Variants in HERPUD2 observed in about 807,000 individuals in gnomAD.
The protein encoded by HERPUD2 is HERPUD family member 2.
Under a neutral mutation model 49.9 loss-of-function variants are expected in HERPUD2, and 13 were observed. The ratio of observed to expected loss-of-function variants is 0.26; its 90% CI spans 0.17 to 0.41. The LOEUF (loss-of-function observed/expected upper bound fraction) is 0.41. HERPUD2 is among the 10% of genes least tolerant of loss of function. HERPUD2 has a pLI of 1.00. For synonymous variants in HERPUD2, 172 were observed against 171.4 expected, an observed-to-expected ratio of 1.00 and a Z score of -0.03; for missense variants, 449 against 492.2, an observed-to-expected ratio of 0.91 and a Z score of 0.83.
At chr7:35,682,110 T>A (rs1290674866) in intron 2 of HERPUD2, among the ~76,000 whole-genome samples, 1 of 151,956 alleles carries the variant, frequency 6.6e-6, no homozygotes, top group Non-Finnish European at 1.5e-5. Context: ...TGGTATCAGC[T>A]CACTGCAACC....
chr7:35,673,125 T>C, intron 3 of HERPUD2, 76 bp downstream of exon 3: 1 of 1,107,030 alleles, frequency 9.0e-7, no homozygotes, highest in South Asian at 1.4e-5. Flanking sequence ...ACTGAACTGG[T>C]TGAATAAAAT....
chr7:35,635,797 C>T (rs1784862267), intron 6 of HERPUD2, among the ~76,000 whole-genome samples: 1 of 152,150 alleles, frequency 6.6e-6, no homozygotes, highest in Non-Finnish European at 1.5e-5. Context: ...ATGAATGCCC[C>T]CTTTTGTTAT....
intron 5 of HERPUD2, among the ~76,000 whole-genome samples, chr7:35,643,038 A>G (rs1784991374): frequency 6.6e-6 from 1 of 152,200 alleles, no homozygotes; most frequent in South Asian, 2.1e-4. Context: ...AATATGAAAT[A>G]TGGAAAAAAA....
intron 2 of HERPUD2, among the ~76,000 whole-genome samples, chr7:35,683,079 T>C (rs1346850318): frequency 4.6e-5 from 7 of 152,018 alleles, no homozygotes; most frequent in Admixed American, 4.6e-4. Context: ...AATTCTAAAA[T>C]TCATATGGAA....
At chr7:35,650,024 T>C (rs1160133275) in intron 5 of HERPUD2, among the ~76,000 whole-genome samples, 2 of 152,174 alleles carry the variant, frequency 1.3e-5, no homozygotes, top group Non-Finnish European at 2.9e-5. Flanking sequence ...GTTTATATGG[T>C]TATTTCTGAG....
chr7:35,677,964 C>T (rs1785801710), intron 2 of HERPUD2, among the ~76,000 whole-genome samples: 1 of 152,184 alleles, frequency 6.6e-6, no homozygotes, highest in African/African-American at 2.4e-5. Flanking sequence ...TAGATTGTAT[C>T]TCACATGGCT....
chr7:35,669,938 G>A (rs2115964415), intron 4 of HERPUD2, among the ~76,000 whole-genome samples: 1 of 152,086 alleles, frequency 6.6e-6, no homozygotes, highest in East Asian at 1.9e-4. Context: ...CGTTTTCTGA[G>A]TATTCCAGTA....
At chr7:35,685,960 C>CAAAATAAA (rs70974762) in intron 2 of HERPUD2, among the ~76,000 whole-genome samples, 17,083 of 147,852 alleles carry the variant, frequency 0.12, 1,233 homozygotes, top group Middle Eastern at 0.19. Context: ...GACCCTGTCT[C>CAAAATAAA]TAAATAAATA....
intron 6 of HERPUD2, among the ~76,000 whole-genome samples, chr7:35,636,652 A>G (rs1199655768): frequency 6.6e-6 from 1 of 152,178 alleles, no homozygotes; most frequent in Admixed American, 6.5e-5. Context: ...TAAGGTATGA[A>G]CATCCTGTCT....
intron 6 of HERPUD2, among the ~76,000 whole-genome samples, chr7:35,636,771 G>A (rs924628119): frequency 6.6e-6 from 1 of 152,162 alleles, no homozygotes; most frequent in African/African-American, 2.4e-5. Context: ...TTCACAGTGG[G>A]CAAGAGAATC....
chr7:35,644,080 T>C (rs969094096), intron 5 of HERPUD2, among the ~76,000 whole-genome samples: 17 of 152,146 alleles, frequency 1.1e-4, no homozygotes, highest in African/African-American at 3.9e-4. Flanking sequence ...ATTATGCTAA[T>C]TCATTAGGGA....
chr7:35,651,205 T>C (rs926150792), intron 5 of HERPUD2, among the ~76,000 whole-genome samples: 2 of 152,152 alleles, frequency 1.3e-5, no homozygotes, highest in African/African-American at 2.4e-5. Flanking sequence ...AGGGGCCCGA[T>C]GACATGCCAA....
intron 3 of HERPUD2, among the ~76,000 whole-genome samples, chr7:35,670,650 A>G (rs1404543236): frequency 6.6e-6 from 1 of 152,134 alleles, no homozygotes; most frequent in African/African-American, 2.4e-5. Flanking sequence ...GCATGAAAAC[A>G]TCTAGCACCT....
intron 2 of HERPUD2, among the ~76,000 whole-genome samples, chr7:35,673,551 T>C (rs1447051865): frequency 6.6e-6 from 1 of 152,158 alleles, no homozygotes; most frequent in African/African-American, 2.4e-5. Context: ...GGTAGATAAA[T>C]TGGAAGTCTG....
At position 35,642,878 on chromosome 7, in the gene HERPUD2, C is replaced by T. The variant is rs1195105350; in HGVS notation, c.495-4406G>A. On this transcript the variant is annotated intron_variant, in intron 5 of 8. Coordinates refer to ENST00000311350, the MANE Select transcript of HERPUD2 (RefSeq NM_022373.5). ...GGTACTAGGCTTAGTACCTGGGTGA[C>T]CAAATAATCTGTAAAACAAACCTCC... 2.0e-5 allele frequency among the ~76,000 whole-genome samples: 3 copies of T among 151,960 alleles called. No individual in the cohort carries two copies. The East Asian group carries it at 5.8e-4, about 29-fold the overall frequency.
At chr7:35,663,648 A>G (rs888216370) in intron 5 of HERPUD2, among the ~76,000 whole-genome samples, 1 of 152,208 alleles carries the variant, frequency 6.6e-6, no homozygotes, top group Non-Finnish European at 1.5e-5. Flanking sequence ...TCCCTTTACC[A>G]TTATGTAATG....
intron 5 of HERPUD2, among the ~76,000 whole-genome samples, chr7:35,653,448 G>A (rs1785207357): frequency 6.6e-6 from 1 of 152,166 alleles, no homozygotes. Context: ...GACCTAAAGG[G>A]AGGGACAGAA....
At chr7:35,643,795 TA>T (rs921257771) in intron 5 of HERPUD2, among the ~76,000 whole-genome samples, 4 of 147,642 alleles carry the variant, frequency 2.7e-5, no homozygotes, top group Non-Finnish European at 3.0e-5. Flanking sequence ...TTTATGTAAT[TA>T]AAAAAAACTA....
Position 35,694,634 on chromosome 7 carries a change from G to C in HERPUD2, c.-297-7C>G. On this transcript the variant is annotated splice_region_variant and splice_polypyrimidine_tract_variant and intron_variant, in intron 1 of 8. Transcript: ENST00000311350. ...GTCGTGAGGAGAAAGGAAGCTATAC[G>C]AAGGAAGGGTGGGAGGGATGAGGGC... 1 of 371,590 alleles carries C rather than the reference G, an allele frequency of 2.7e-6. No homozygotes were observed. The allele number at this position is 371,590 out of a possible 1,614,324, so 23.0% of individuals were successfully genotyped here.
Sources: allele counts gnomAD v4.1 joint callset (sites outside exome capture counted in the v4.1 genomes callset), GRCh38; gene constraint gnomAD v4.1.1; transcripts MANE v1.5; gene names NCBI Gene and HGNC (gene_info 2026-07-23, HGNC 2026-07-21).